CTNNA3: variants seen among roughly 807,000 people sequenced by gnomAD.
CTNNA3 encodes the protein catenin alpha 3, also known as catenin alpha-3.
CTNNA3 carries 76 observed loss-of-function variants against 95.7 expected under a neutral mutation model. The ratio of observed to expected loss-of-function variants is 0.79; its 90% confidence interval spans 0.66 to 0.96. The LOEUF is 0.96. CTNNA3 is among the 40% of genes least tolerant of loss of function. The pLI is 0.00. For synonymous variants in CTNNA3, 431 were observed against 374.4 expected, an observed-to-expected ratio of 1.15 and a Z score of -1.74; for missense variants, 1,191 against 1,089.8, an observed-to-expected ratio of 1.09 and a Z score of -1.31.
chr10:66,488,872 C>A (rs751134306), intron 11 of CTNNA3, among the ~76,000 whole-genome samples: 7 of 151,404 alleles, frequency 4.6e-5, no homozygotes, highest in African/African-American at 9.7e-5. Flanking sequence ...ATTTTAAGAA[C>A]TTTACATGCA....
intron 9 of CTNNA3, among the ~76,000 whole-genome samples, chr10:66,658,648 T>G (rs1846151527): frequency 6.6e-6 from 1 of 152,114 alleles, no homozygotes; most frequent in Non-Finnish European, 1.5e-5. Flanking sequence ...GTGTGACAAA[T>G]GGAAGGTAGC....
chr10:66,382,938 G>C (rs908152338), intron 11 of CTNNA3, among the ~76,000 whole-genome samples: 1 of 152,072 alleles, frequency 6.6e-6, no homozygotes, highest in Non-Finnish European at 1.5e-5. Flanking sequence ...GCCATCTGTA[G>C]GTCACCAACA....
chr10:66,069,910 A>T (rs889450178), intron 14 of CTNNA3, among the ~76,000 whole-genome samples: 5 of 152,152 alleles, frequency 3.3e-5, no homozygotes, highest in Admixed American at 3.3e-4. Context: ...ACCTATGTGT[A>T]TATATGCAAT....
At chr10:67,202,542 G>A (rs1366525002) in intron 6 of CTNNA3, among the ~76,000 whole-genome samples, 2 of 151,986 alleles carry the variant, frequency 1.3e-5, no homozygotes, top group Admixed American at 6.6e-5. Flanking sequence ...ATTAAAGCTG[G>A]AATTCGCAAG....
At chr10:66,509,940 C>T (rs1840596515) in intron 11 of CTNNA3, among the ~76,000 whole-genome samples, 1 of 151,990 alleles carries the variant, frequency 6.6e-6, no homozygotes, top group Admixed American at 6.6e-5. Flanking sequence ...TAAGGAATGA[C>T]AGTGTTATTT....
intron 7 of CTNNA3, among the ~76,000 whole-genome samples, chr10:67,005,173 C>A (rs1851897783): frequency 6.6e-6 from 1 of 152,046 alleles, no homozygotes; most frequent in Admixed American, 6.6e-5. Flanking sequence ...CATTTTACTG[C>A]TTTTATTTAT....
intron 15 of CTNNA3, among the ~76,000 whole-genome samples, chr10:66,012,350 C>T (rs1181656214): frequency 6.6e-6 from 1 of 152,004 alleles, no homozygotes; most frequent in East Asian, 1.9e-4. Flanking sequence ...CTGAATCAAG[C>T]TTGGAATTGA....
chr10:67,309,982 A>G (rs1348071948), intron 5 of CTNNA3, among the ~76,000 whole-genome samples: 1 of 152,202 alleles, frequency 6.6e-6, no homozygotes, highest in Admixed American at 6.5e-5. Context: ...CTATTTACCC[A>G]AACAAGCTCC....
At chr10:66,643,024 T>A (rs1203530214) in intron 9 of CTNNA3, among the ~76,000 whole-genome samples, 1 of 152,080 alleles carries the variant, frequency 6.6e-6, no homozygotes, top group Non-Finnish European at 1.5e-5. Context: ...TACACATATA[T>A]AGATAGATGA....
chr10:66,097,005 C>T (rs953173657), intron 14 of CTNNA3, among the ~76,000 whole-genome samples: 61 of 152,088 alleles, frequency 4.0e-4, no homozygotes, highest in African/African-American at 1.1e-3. Context: ...GTCAACTTTT[C>T]GGTGATGTTG....
At chr10:67,090,650 G>A (rs1857575122) in intron 7 of CTNNA3, among the ~76,000 whole-genome samples, 1 of 152,040 alleles carries the variant, frequency 6.6e-6, no homozygotes, top group African/African-American at 2.4e-5. Flanking sequence ...GGCAACCTCT[G>A]TCCAGCATGT....
intron 9 of CTNNA3, among the ~76,000 whole-genome samples, chr10:66,746,039 C>T (rs939439637): frequency 5.3e-5 from 8 of 152,268 alleles, no homozygotes; most frequent in South Asian, 2.1e-4. Flanking sequence ...TAACCTTCCA[C>T]CAACTAACTA....
intron 13 of CTNNA3, among the ~76,000 whole-genome samples, chr10:66,140,846 T>C (rs938815235): frequency 1.3e-5 from 2 of 152,234 alleles, no homozygotes; most frequent in African/African-American, 2.4e-5. Flanking sequence ...CTTACTTTAG[T>C]CTATGCTTCT....
Position 66,379,186 on chromosome 10 carries a change from A to T in CTNNA3, c.1698T>A (p.Gly566=). 6.2e-7 allele frequency: 1 copy of T among 1,614,088 alleles called. No individual in the cohort carries two copies. ...DSYEPGAYTE[G]VMRNVNFLTS... ...TAAGGAAGTTAACATTTCTCATTAC[A>T]CCTTCCGTGTAAGCCCCTGGCTCGT... Residue 566 remains glycine (G), a synonymous_variant, in exon 12 of 18, where the codon GGT becomes GGA. Transcript: ENST00000433211.
rs2079163049 is a variant in CTNNA3 at position 66,019,732 on chromosome 10, A to C, written c.2160-30935T>G. Among the ~76,000 whole-genome samples, 3 of 152,154 alleles carry C rather than the reference A, an allele frequency of 2.0e-5. No individual in the cohort carries two copies. In the South Asian group the frequency reaches 6.3e-4, roughly 32 times the overall value. ...TTTAAATAAAAGAAATGGGCAAAAA[A>C]AATAGTTAAAAAATTGCTTAGTGTA... On this transcript the variant is annotated intron_variant, in intron 15 of 17. Transcript: ENST00000433211.
intron 13 of CTNNA3, among the ~76,000 whole-genome samples, chr10:66,251,774 T>A (rs1238557673): frequency 6.6e-6 from 1 of 152,210 alleles, no homozygotes; most frequent in Non-Finnish European, 1.5e-5. Context: ...GTTCAAATAA[T>A]AAGATAATAA....
chr10:65,980,275 G>A (rs1180503153), intron 16 of CTNNA3, among the ~76,000 whole-genome samples: 1 of 151,860 alleles, frequency 6.6e-6, no homozygotes, highest in Non-Finnish European at 1.5e-5. Flanking sequence ...ATTAAACCAG[G>A]AAGACATAGA....
At chr10:66,461,449 T>C (rs2093528485) in intron 11 of CTNNA3, among the ~76,000 whole-genome samples, 1 of 152,046 alleles carries the variant, frequency 6.6e-6, no homozygotes, top group African/African-American at 2.4e-5. Flanking sequence ...TGGAAGTATG[T>C]TTCTGAGTGA....
intron 7 of CTNNA3, among the ~76,000 whole-genome samples, chr10:66,930,690 A>T (rs1031446624): frequency 1.3e-5 from 2 of 152,182 alleles, no homozygotes; most frequent in African/African-American, 4.8e-5. Context: ...TGTATTGAAA[A>T]GCATTCCTAA....
Sources: gnomAD v4.1 joint callset for allele counts (sites outside exome capture counted in the v4.1 genomes callset) on GRCh38, gnomAD v4.1.1 for gene constraint, MANE v1.5 for transcripts, NCBI Gene and HGNC (gene_info 2026-07-23, HGNC 2026-07-21) for gene names.